The following GNA14 variants were observed in gnomAD, a reference collection of about 807,000 sequenced individuals.
The protein encoded by GNA14 is G protein subunit alpha 14, also known as guanine nucleotide-binding protein subunit alpha-14.
A neutral mutation model predicts 42.0 loss-of-function variants in GNA14; 50 were observed. That is an observed-to-expected ratio of 1.19 (90% CI 0.95 to 1.51). GNA14 has a LOEUF of 1.51. Among genes scored for constraint, GNA14 ranks in the 40% most tolerant of loss-of-function variants. GNA14 has a pLI of 0.00. For missense variants in GNA14, 473 were observed against 446.2 expected (o/e 1.06, Z -0.54); for synonymous variants, 173 against 163.1 (o/e 1.06, Z -0.46).
intron 2 of GNA14, among the ~76,000 whole-genome samples, chr9:77,515,971 A>AC (rs1837250258): frequency 1.4e-5 from 2 of 147,316 alleles, no homozygotes; most frequent in South Asian, 4.3e-4. Flanking sequence ...AAAAAAAAAA[A>AC]AAAAAAAAAA....
At chr9:77,477,010 A>G (rs1252278168) in intron 2 of GNA14, among the ~76,000 whole-genome samples, 1 of 152,202 alleles carries the variant, frequency 6.6e-6, no homozygotes. Context: ...TTGCTCCCTC[A>G]GCCAGAAGAC....
intron 1 of GNA14, among the ~76,000 whole-genome samples, chr9:77,548,763 G>C (rs527330519): frequency 1.3e-5 from 2 of 152,228 alleles, no homozygotes; most frequent in South Asian, 2.1e-4. Context: ...CAAGTTGTTT[G>C]ATTAGGAGTA....
chr9:77,436,319 G>A (rs1054682415), intron 2 of GNA14, among the ~76,000 whole-genome samples: 3 of 152,198 alleles, frequency 2.0e-5, no homozygotes, highest in Non-Finnish European at 4.4e-5. Context: ...ACCCCAACAA[G>A]TTACCTGCCT....
At chr9:77,640,582 A>G (rs1824241501) in intron 1 of GNA14, among the ~76,000 whole-genome samples, 1 of 152,170 alleles carries the variant, frequency 6.6e-6, no homozygotes, top group African/African-American at 2.4e-5. Context: ...TTTCCACTTT[A>G]TATCTGCCCA....
chr9:77,601,761 C>G (rs1823568906), intron 1 of GNA14, among the ~76,000 whole-genome samples: 1 of 152,070 alleles, frequency 6.6e-6, no homozygotes, highest in Non-Finnish European at 1.5e-5. Flanking sequence ...GTGGGCAGTC[C>G]CATCTGACGG....
intron 1 of GNA14, among the ~76,000 whole-genome samples, chr9:77,604,369 GTC>G (rs1170850176): frequency 3.3e-5 from 5 of 152,174 alleles, no homozygotes; most frequent in Admixed American, 6.5e-5. Context: ...CTGAAGTTTA[GTC>G]TCTCTCACTT....
intron 2 of GNA14, among the ~76,000 whole-genome samples, chr9:77,511,465 G>A (rs758098972): frequency 7.2e-5 from 11 of 152,304 alleles, no homozygotes; most frequent in South Asian, 2.1e-4. Flanking sequence ...AATGGGAAGC[G>A]TAACACATGT....
Position 77,424,166 on chromosome 9 carries a change from G to C in GNA14, c.881C>G (p.Pro294Arg). The part of the protein sequence containing the change: ...LISYFPEYTG[P>R]KQDVRAARDF... ...TCTGGCAGCTCTGACATCCTGTTTCGGTCCTAGTCACAAGTGCAATTACAG... is the reference window on the plus strand; with the variant it reads ...TCTGGCAGCTCTGACATCCTGTTTCCGTCCTAGTCACAAGTGCAATTACAG... Residue 294 changes from proline (P) to arginine (R), a missense_variant, in exon 7 of 7, where the codon CCG (proline) becomes CGG (arginine). Physicochemically the swap from Pro to Arg is moderately radical, Grantham distance 103. Transcript: ENST00000341700. 3.1e-6 allele frequency: 5 copies of C among 1,602,238 alleles called. No individual in the cohort carries two copies. The highest frequency in any genetic ancestry group is 4.3e-6 in the Non-Finnish European group (5 of 1,173,162).
At chr9:77,608,553 A>T (rs1823674964) in intron 1 of GNA14, among the ~76,000 whole-genome samples, 1 of 152,042 alleles carries the variant, frequency 6.6e-6, no homozygotes, top group African/African-American at 2.4e-5. Flanking sequence ...ATGGCCACCC[A>T]ACCCTTTGAA....
intron 1 of GNA14, among the ~76,000 whole-genome samples, chr9:77,543,254 C>T (rs1171206919): frequency 3.3e-5 from 5 of 152,174 alleles, no homozygotes; most frequent in African/African-American, 4.8e-5. Context: ...CCAGGGAGGG[C>T]AGGGTCATTC....
chr9:77,497,725 GCA>G (rs1432490917), intron 2 of GNA14, among the ~76,000 whole-genome samples: 17 of 151,896 alleles, frequency 1.1e-4, no homozygotes, highest in South Asian at 2.1e-4. Flanking sequence ...ATATACATAT[GCA>G]TATACATATT....
chr9:77,510,557 G>A (rs962771912), intron 2 of GNA14, among the ~76,000 whole-genome samples: 3 of 152,150 alleles, frequency 2.0e-5, no homozygotes, highest in African/African-American at 7.2e-5. Context: ...TCAATATTAA[G>A]GAAGAAGCAT....
At position 77,530,790 on chromosome 9, in the gene GNA14, G is replaced by T. The variant is rs114248303; in HGVS notation, c.125-1537C>A. ...GCTGGGGCACATGGGAGAACCCCCA[G>T]ATGGGGGAGTGTCCTCACACACAGT... On this transcript the variant is annotated intron_variant, in intron 1 of 6. Coordinates refer to ENST00000341700, the MANE Select transcript of GNA14 (RefSeq NM_004297.4). Among the ~76,000 whole-genome samples the T allele has an allele frequency of 6.3e-3, 956 of 152,334 alleles. 12 individuals are homozygous for T. The highest frequency in any genetic ancestry group is 0.022 in the African/African-American group (900 of 41,576).
At chr9:77,597,786 C>T (rs1056531967) in intron 1 of GNA14, among the ~76,000 whole-genome samples, 1 of 152,000 alleles carries the variant, frequency 6.6e-6, no homozygotes, top group Non-Finnish European at 1.5e-5. Context: ...TTAGGCCGGG[C>T]ATGGTGGCTA....
intron 2 of GNA14, among the ~76,000 whole-genome samples, chr9:77,520,011 G>A (rs113907686): frequency 0.11 from 16,323 of 151,946 alleles, 948 homozygotes; most frequent in Middle Eastern, 0.18. Flanking sequence ...TCCATCTCAA[G>A]AAAGTAAAAA....
intron 1 of GNA14, among the ~76,000 whole-genome samples, chr9:77,618,180 T>G (rs999583488): frequency 1.3e-5 from 2 of 152,138 alleles, no homozygotes; most frequent in African/African-American, 2.4e-5. Context: ...AAAGCATGGC[T>G]GCTTTCTGAA....
intron 2 of GNA14, among the ~76,000 whole-genome samples, chr9:77,498,889 C>G (rs1490848625): frequency 6.6e-6 from 1 of 152,182 alleles, no homozygotes; most frequent in Non-Finnish European, 1.5e-5. Flanking sequence ...TGTACTCCTT[C>G]ACCTTTCCAT....
At chr9:77,557,104 C>A (rs1822797163) in intron 1 of GNA14, among the ~76,000 whole-genome samples, 1 of 152,124 alleles carries the variant, frequency 6.6e-6, no homozygotes, top group Non-Finnish European at 1.5e-5. Flanking sequence ...AGAACAAACC[C>A]GGGGGTCTAA....
At chr9:77,595,799 CAAGA>C (rs1564062308) in intron 1 of GNA14, among the ~76,000 whole-genome samples, 39 of 151,790 alleles carry the variant, frequency 2.6e-4, no homozygotes, top group African/African-American at 8.0e-4. Context: ...TGTATTCTCT[CAAGA>C]GAGAGAGAGA....
Sources: allele counts gnomAD v4.1 joint callset (sites outside exome capture counted in the v4.1 genomes callset), GRCh38; gene constraint gnomAD v4.1.1; transcripts MANE v1.5; gene names NCBI Gene and HGNC (gene_info 2026-07-23, HGNC 2026-07-21).